The following BRPF1 variants were observed in gnomAD, a reference collection of about 807,000 sequenced individuals.
BRPF1 encodes the protein peregrin.
A neutral mutation model predicts 115.0 loss-of-function variants in BRPF1; 15 were observed. That is an observed-to-expected ratio of 0.13 (90% CI 0.09 to 0.20). The LOEUF (loss-of-function observed/expected upper bound fraction) is 0.20. Among genes scored for constraint, BRPF1 ranks in the 10% least tolerant of loss-of-function variants. The pLI is 1.00. For synonymous variants in BRPF1, 647 were observed against 619.8 expected (o/e 1.04, Z -0.65); for missense variants, 1,118 against 1,638.3 (o/e 0.68, Z 5.48).
chr3:9,736,303 G>A (rs1383680694), intron 2 of BRPF1, among the ~76,000 whole-genome samples: 1 of 152,144 alleles, frequency 6.6e-6, no homozygotes, highest in African/African-American at 2.4e-5. Context: ...ACCGCGCCCG[G>A]CCTAAATCTC....
intron 2 of BRPF1, among the ~76,000 whole-genome samples, chr3:9,736,124 C>T (rs993766641): frequency 6.7e-6 from 1 of 149,196 alleles, no homozygotes; most frequent in Admixed American, 6.8e-5. Context: ...TCTCACGCCT[C>T]AGCCTCCCGA....
At chr3:9,736,141 G>A (rs563320068) in intron 2 of BRPF1, among the ~76,000 whole-genome samples, 1 of 151,810 alleles carries the variant, frequency 6.6e-6, no homozygotes, top group Admixed American at 6.6e-5. Flanking sequence ...CCGAGTAGCT[G>A]GGATTACAGG....
chr3:9,738,299 A>G (rs1303421814), intron 2 of BRPF1, among the ~76,000 whole-genome samples: 1 of 152,244 alleles, frequency 6.6e-6, no homozygotes, highest in Non-Finnish European at 1.5e-5. Context: ...CTTATCTGCA[A>G]AATGAGGACA....
chr3:9,733,293 A>C (rs753649556), intron 1 of BRPF1: 1 of 152,216 alleles, frequency 6.6e-6, no homozygotes, highest in Non-Finnish European at 1.5e-5. Context: ...CCACCCACCC[A>C]TTCAGCTTTC....
In BRPF1 at chr3:9,746,416, T is replaced by C; in HGVS notation, c.3441T>C (p.His1147=). ...GEQMTQEARE[H]LYLVLFFDNK... is the part of the protein sequence containing the mutation. ...AGATGACCCAGGAAGCCCGAGAGCA[T>C]CTCTACCTCGTCCTCTTCTTTGACA... Residue 1147 remains histidine, a synonymous_variant, in exon 13 of 14, where the codon CAT becomes CAC. Coordinates refer to ENST00000383829, the MANE Select transcript of BRPF1 (RefSeq NM_001003694.2). 6.2e-7 allele frequency: 1 copy of C among 1,605,810 alleles called. No homozygotes were observed. Among genetic ancestry groups the C allele is most frequent in the Non-Finnish European group, 8.5e-7 (1 of 1,174,524 alleles).
rs1450769652 is a variant in BRPF1, at chr3:9,739,524, G to A, written c.1125G>A (p.Glu375=). ...TCCTAGAGCCTATTGACAGCATTGA[G>A]CACATCCCACCAGCTCGCTGGAAGC... ...TVFLEPIDSI[E]HIPPARWKLT... is the part of the protein sequence containing the mutation. Residue 375 remains glutamate, a synonymous_variant, in exon 3 of 14, where the codon GAG becomes GAA. Transcript: ENST00000383829. The A allele has an allele frequency of 1.9e-6, 3 of 1,613,558 alleles. No homozygotes were observed. Among genetic ancestry groups the A allele is most frequent in the Non-Finnish European group, 2.5e-6 (3 of 1,179,640 alleles).
In BRPF1 at chr3:9,747,264, C is replaced by T; in HGVS notation, c.3578C>T (p.Ser1193Leu). The change falls in exon 14 of 14, where the codon TCA (serine) becomes TTA (leucine). Residue 1193 changes from serine to leucine, a missense_variant. Ser to Leu is a moderately radical substitution (Grantham distance 145, BLOSUM62 -2). Coordinates refer to ENST00000383829, the MANE Select transcript of BRPF1 (RefSeq NM_001003694.2). The surrounding 1 kb of genome is among the most constrained non-coding windows in gnomAD (Gnocchi z 5.6). Reference sequence around the variant, plus strand: ...GGCCGCAAGTCCAACATCCGCAAGTCAGTACAGATCGCCTACCACAGGGCT... The same window carrying T: ...GGCCGCAAGTCCAACATCCGCAAGTTAGTACAGATCGCCTACCACAGGGCT... The part of the protein sequence containing the change: ...LEGRKSNIRK[S>L]VQIAYHRALQ... 1.2e-6 allele frequency: 2 copies of T among 1,614,226 alleles called. No homozygotes were observed. The highest frequency in any genetic ancestry group is 1.1e-5 in the South Asian group (1 of 91,086).
Position 9,734,290 on chromosome 3 carries a change from A to C in BRPF1, c.150A>C (p.Pro50=). The change falls in exon 2 of 14, where the codon CCA becomes CCC. Residue 50 remains proline (P), a synonymous_variant. Coordinates refer to ENST00000383829, the MANE Select transcript of BRPF1 (RefSeq NM_001003694.2). The surrounding 1 kb of genome is among the most constrained non-coding windows in gnomAD (Gnocchi z 5.7). ...TGTACCACTATGACCACGACAACCC[A>C]CCACCCCCACAACAAACTCCACTCC... The part of the protein sequence containing the change: ...YHLYHYDHDN[P]PPPQQTPLRK... The C allele has an allele frequency of 6.2e-7, 1 of 1,613,964 alleles. No homozygotes were observed. Among genetic ancestry groups the C allele is most frequent in the Non-Finnish European group, 8.5e-7 (1 of 1,180,006 alleles).
At position 9,739,080 on chromosome 3, in the gene BRPF1, C is replaced by G; in HGVS notation, c.681C>G (p.Ile227Met). 2 of 1,613,396 alleles carry G rather than the reference C, an allele frequency of 1.2e-6. No homozygotes were observed. Among genetic ancestry groups the G allele is most frequent in the Non-Finnish European group, 1.7e-6 (2 of 1,179,558 alleles). ...AGGAGGACTACATCTGGCTGGATATCATGAATGAGCGTCGGAAGACAGAGG... is the reference window on the plus strand; with the variant it reads ...AGGAGGACTACATCTGGCTGGATATGATGAATGAGCGTCGGAAGACAGAGG... Reference protein sequence around the residue: ...MDEEDYIWLDIMNERRKTEGV... With the variant: ...MDEEDYIWLDMMNERRKTEGV... The change falls in exon 3 of 14, where the codon ATC becomes ATG. Residue 227 changes from isoleucine to methionine, a missense_variant. This residue lies in a region of BRPF1 where 280 missense variants were observed against 382.8 expected (regional missense o/e 0.73). Coordinates refer to ENST00000383829, the MANE Select transcript of BRPF1 (RefSeq NM_001003694.2).
chr3:9,741,236 G>A (rs1468555819), intron 4 of BRPF1, 72 bp from the exon 5 acceptor site: 6 of 1,503,056 alleles, frequency 4.0e-6, no homozygotes, highest in African/African-American at 1.4e-5. Flanking sequence ...TGAGTTTCCT[G>A]GGCTCTCTTC....
At position 9,744,318 on chromosome 3, in the gene BRPF1, G is replaced by A. The variant is rs886518944; in HGVS notation, c.2730G>A (p.Pro910=). 2 of 1,613,090 alleles carry A rather than the reference G, an allele frequency of 1.2e-6. No individual in the cohort carries two copies. The highest frequency in any genetic ancestry group is 1.7e-6 in the Non-Finnish European group (2 of 1,179,522). The change falls in exon 9 of 14, where the codon CCG becomes CCA. Residue 910 remains proline (P), a synonymous_variant. Coordinates refer to ENST00000383829, the MANE Select transcript of BRPF1 (RefSeq NM_001003694.2). The part of the protein sequence containing the change: ...FSKKNPKTAG[P]PKRPGRPPKN... ...AAAAGAACCCGAAGACAGCTGGACC[G>A]CCCAAGAGGCCGGGCCGGCCCCCCA...
Position 9,743,951 on chromosome 3 carries a change from C to G in BRPF1, c.2635+50C>G, listed in dbSNP as rs1257754690. Reference sequence around the variant, plus strand: ...CCCCAAAGCAAGTCAGACTTTGGCTCTGCAGCACACACTCAACCCCTGCCA... The same window carrying G: ...CCCCAAAGCAAGTCAGACTTTGGCTGTGCAGCACACACTCAACCCCTGCCA... On this transcript the variant is annotated intron_variant, in intron 8 of 13. Coordinates refer to ENST00000383829, the MANE Select transcript of BRPF1 (RefSeq NM_001003694.2). The surrounding 1 kb of genome is among the most constrained non-coding windows in gnomAD (Gnocchi z 6.1). 6.6e-7 allele frequency: 1 copy of G among 1,520,324 alleles called. No homozygotes were observed. Among genetic ancestry groups the G allele is most frequent in the Non-Finnish European group, 8.8e-7 (1 of 1,131,234 alleles). 94.2% of individuals were successfully genotyped at this position (1,520,324 alleles called of 1,614,324 possible). A position where few individuals can be genotyped will look rare whatever the true frequency, so the allele number is the denominator to read the frequency against.
chr3:9,741,884 A>G, intron 5 of BRPF1, 141 bp from the exon 6 acceptor site: 1 of 936,982 alleles, frequency 1.1e-6, no homozygotes, highest in Non-Finnish European at 1.6e-6. Flanking sequence ...GGAGCCTCAT[A>G]GAAGGTAGAC....
At chr3:9,746,787 G>A (rs1467417528) in intron 13 of BRPF1, among the ~76,000 whole-genome samples, 5 of 151,882 alleles carry the variant, frequency 3.3e-5, no homozygotes, top group Admixed American at 1.3e-4. Flanking sequence ...GATAAAGCAG[G>A]CATAAACATT....
Position 9,731,894 on chromosome 3 carries a change from CGG to C in BRPF1, c.-253_-252del, listed in dbSNP as rs2076857708. ...CCGGGCATCTTGGGGGCTCGCGAAACGGGCGGCGGCCGACGGAGTTGAGACCC... is the reference window on the plus strand; with the variant it reads ...CCGGGCATCTTGGGGGCTCGCGAAACGCGGCGGCCGACGGAGTTGAGACCC... On this transcript the variant is annotated 5_prime_UTR_variant, in exon 1 of 14. Coordinates refer to ENST00000383829, the MANE Select transcript of BRPF1 (RefSeq NM_001003694.2). 2 of 152,504 alleles carry C rather than the reference CGG, an allele frequency of 1.3e-5. No homozygotes were observed. Among genetic ancestry groups the C allele is most frequent in the South Asian group, 4.0e-4 (2 of 5,014 alleles). 9.4% of individuals were successfully genotyped at this position (152,504 alleles called of 1,614,324 possible). A position where few individuals can be genotyped will look rare whatever the true frequency, so the allele number is the denominator to read the frequency against.
rs1161266329 is a variant in BRPF1, at chr3:9,745,702, C to T, written c.3198C>T (p.Gly1066=). The T allele has an allele frequency of 6.2e-7, 1 of 1,614,108 alleles. No homozygotes were observed. Among genetic ancestry groups the T allele is most frequent in the African/African-American group, 1.3e-5 (1 of 75,074 alleles). Residue 1066 remains glycine (G), a synonymous_variant, in exon 11 of 14, where the codon GGC becomes GGT. Transcript: ENST00000383829. This position sits in a 1 kb window ranked among gnomAD's most constrained non-coding sequence, Gnocchi z 5.1. ...CCGTGGGCACTGGCCGCGGCGTGGGCCACAGCAGTAAGTTCCCTTGCCCAA... is the reference window on the plus strand; with the variant it reads ...CCGTGGGCACTGGCCGCGGCGTGGGTCACAGCAGTAAGTTCCCTTGCCCAA... ...AYSVGTGRGV[G]HSMVRKSLGR... is the part of the protein sequence containing the mutation.
In BRPF1 at chr3:9,739,776, G is replaced by C. The variant is rs755154106; in HGVS notation, c.1377G>C (p.Leu459=). ...PPGSARRLPA[L]SHSEGEEDED... ...GTTCAGCACGCCGACTGCCTGCCCT[G>C]TCCCACAGCGAGGGTGAGGAGGATG... Residue 459 remains leucine, a synonymous_variant, in exon 3 of 14, where the codon CTG becomes CTC. Coordinates refer to ENST00000383829, the MANE Select transcript of BRPF1 (RefSeq NM_001003694.2). 6 of 1,614,036 alleles carry C rather than the reference G, an allele frequency of 3.7e-6. 1 individual carries two copies. The South Asian group carries it at 5.5e-5, about 15-fold the overall frequency.
In BRPF1 at chr3:9,734,296, C is replaced by G. The variant is rs753506438; in HGVS notation, c.156C>G (p.Pro52=). ...LYHYDHDNPP[P]PQQTPLRKHK... ...ACTATGACCACGACAACCCACCACCCCCACAACAAACTCCACTCCGCAAGC... is the reference window on the plus strand; with the variant it reads ...ACTATGACCACGACAACCCACCACCGCCACAACAAACTCCACTCCGCAAGC... Residue 52 remains proline, a synonymous_variant, in exon 2 of 14, where the codon CCC becomes CCG. Transcript: ENST00000383829. The surrounding 1 kb of genome is among the most constrained non-coding windows in gnomAD (Gnocchi z 5.7). 6.2e-7 allele frequency: 1 copy of G among 1,614,116 alleles called. No homozygotes were observed. The highest frequency in any genetic ancestry group is 8.5e-7 in the Non-Finnish European group (1 of 1,180,026).
At chr3:9,744,660 G>C in intron 9 of BRPF1, 152 bp downstream of exon 9, 1 of 665,226 alleles carries the variant, frequency 1.5e-6, no homozygotes, top group Middle Eastern at 4.2e-4. Flanking sequence ...TCTTACAGTT[G>C]GGAAAACTGA....
Sources: gnomAD v4.1 joint callset for allele counts (sites outside exome capture counted in the v4.1 genomes callset) on GRCh38, gnomAD v4.1.1 for gene constraint, gnomAD v4.1.1 regional missense constraint, Gnocchi (gnomAD v3.1) non-coding constraint, MANE v1.5 for transcripts, NCBI Gene and HGNC (gene_info 2026-07-23, HGNC 2026-07-21) for gene names.